Variants in GOLGA4 observed in about 807,000 individuals in gnomAD.
GOLGA4 encodes golgin A4, also known as golgin subfamily A member 4.
A neutral mutation model predicts 265.9 loss-of-function variants in GOLGA4; 169 were observed. That is an observed-to-expected ratio of 0.64 (90% CI 0.56 to 0.72). The LOEUF (loss-of-function observed/expected upper bound fraction) is 0.72, where lower values mean the gene tolerates loss of function less well. Ranked by LOEUF, GOLGA4 falls within the 30% of genes least tolerant of loss-of-function variation. The pLI, the probability that GOLGA4 is intolerant of heterozygous loss-of-function variation, is 0.00. For synonymous variants in GOLGA4, 923 were observed against 855.8 expected, an observed-to-expected ratio of 1.08 and a Z score of -1.37; for missense variants, 2,482 against 2,483.4, an observed-to-expected ratio of 1.00 and a Z score of 0.01.
chr3:37,348,208 A>G (rs1431349848), intron 21 of GOLGA4, among the ~76,000 whole-genome samples: 1 of 152,204 alleles, frequency 6.6e-6, no homozygotes, highest in Non-Finnish European at 1.5e-5. Flanking sequence ...AAATAATATT[A>G]TAAAAGGAAA....
At chr3:37,323,021 T>G (rs975153290) in intron 13 of GOLGA4, among the ~76,000 whole-genome samples, 1 of 152,088 alleles carries the variant, frequency 6.6e-6, no homozygotes, top group African/African-American at 2.4e-5. Flanking sequence ...AAAGTATTAT[T>G]GAAAATGTAG....
chr3:37,350,646 A>G (rs997865975), intron 21 of GOLGA4, among the ~76,000 whole-genome samples: 6 of 152,252 alleles, frequency 3.9e-5, no homozygotes, highest in African/African-American at 1.4e-4. Flanking sequence ...ACATGTTTAC[A>G]GGCATACCTT....
chr3:37,278,931 G>C (rs1370595823), intron 2 of GOLGA4, among the ~76,000 whole-genome samples: 1 of 151,452 alleles, frequency 6.6e-6, no homozygotes, highest in African/African-American at 2.4e-5. Context: ...TCCCACCTCA[G>C]CCTTCCAAGT....
intron 2 of GOLGA4, among the ~76,000 whole-genome samples, chr3:37,278,183 T>A (rs1159060609): frequency 6.6e-6 from 1 of 151,992 alleles, no homozygotes; most frequent in African/African-American, 2.4e-5. Context: ...AGAGTATGAT[T>A]TAAAATGCAT....
chr3:37,363,644 C>T (rs771108836), intron 23 of GOLGA4, among the ~76,000 whole-genome samples: 1 of 152,188 alleles, frequency 6.6e-6, no homozygotes, highest in Non-Finnish European at 1.5e-5. Flanking sequence ...AGTACTTTAG[C>T]ATGTATCTTT....
intron 4 of GOLGA4, among the ~76,000 whole-genome samples, chr3:37,288,103 A>ATTTTT (rs1203747752): frequency 1.7e-5 from 2 of 118,552 alleles, no homozygotes; most frequent in African/African-American, 3.4e-5. Context: ...TAGCTTCTTG[A>ATTTTT]TTTTTTTTTT....
intron 10 of GOLGA4, among the ~76,000 whole-genome samples, chr3:37,303,081 G>A (rs1047928644): frequency 6.6e-6 from 1 of 152,262 alleles, no homozygotes; most frequent in Non-Finnish European, 1.5e-5. Context: ...CAGGCACAGT[G>A]ATCATAGTGG....
chr3:37,273,000 G>A (rs1340320655), intron 2 of GOLGA4, among the ~76,000 whole-genome samples: 4 of 152,052 alleles, frequency 2.6e-5, no homozygotes, highest in African/African-American at 7.2e-5. Context: ...AAAATCTTTC[G>A]CGTGTGGAAG....
Position 37,340,189 on chromosome 3 carries a change from A to G in GOLGA4, c.6462A>G (p.Thr2154=). The change falls in exon 20 of 24, where the codon ACA becomes ACG. Residue 2154 remains threonine, a synonymous_variant. Transcript: ENST00000361924. ...ATGTATATGCAACAACTGTGGGGAC[A>G]CCTTACAAAGGTAAGGATGATCTCG... ...EKNVYATTVG[T]PYKGGNLYHT... is the part of the protein sequence containing the mutation. 1 of 1,360,824 alleles carries G rather than the reference A, an allele frequency of 7.3e-7. No individual in the cohort carries two copies. The highest frequency in any genetic ancestry group is 1.5e-5 in the African/African-American group (1 of 68,324). The allele number at this position is 1,360,824 out of a possible 1,614,324, so 84.3% of individuals were successfully genotyped here.
chr3:37,267,091 A>G (rs1173885403), intron 2 of GOLGA4, among the ~76,000 whole-genome samples: 1 of 152,218 alleles, frequency 6.6e-6, no homozygotes, highest in African/African-American at 2.4e-5. Flanking sequence ...AAAATCAGAG[A>G]GTAAATTGCT....
intron 20 of GOLGA4, among the ~76,000 whole-genome samples, 188 bp from the exon 21 acceptor site, chr3:37,347,005 T>G (rs1222025498): frequency 6.6e-6 from 1 of 152,238 alleles, no homozygotes; most frequent in Admixed American, 6.5e-5. Flanking sequence ...TAATTCTTGT[T>G]TTCGCTTCCA....
At chr3:37,270,465 G>C (rs1347797140) in intron 2 of GOLGA4, among the ~76,000 whole-genome samples, 2 of 152,092 alleles carry the variant, frequency 1.3e-5, no homozygotes, top group Admixed American at 1.3e-4. Context: ...TGATCCACCT[G>C]CTTCGGCCTC....
At position 37,327,205 on chromosome 3, in the gene GOLGA4, C is replaced by T. The variant is rs1362830194; in HGVS notation, c.5319C>T (p.Tyr1773=). The T allele has an allele frequency of 1.2e-6, 2 of 1,613,648 alleles. No individual in the cohort carries two copies. The highest frequency in any genetic ancestry group is 4.5e-5 in the East Asian group (2 of 44,862). ...VSSHFEMRCQ[Y]QERLIKLEHA... ...CTCATTTTGAAATGCGATGCCAATA[C>T]CAGGAGCGCTTAATAAAGCTAGAAC... Residue 1773 remains tyrosine (Y), a synonymous_variant, in exon 14 of 24, where the codon TAC becomes TAT. Coordinates refer to ENST00000361924, the MANE Select transcript of GOLGA4 (RefSeq NM_002078.5).
intron 20 of GOLGA4, 21 bp from the exon 21 acceptor site, chr3:37,347,172 A>G: frequency 7.0e-7 from 1 of 1,420,726 alleles, no homozygotes; most frequent in Non-Finnish European, 9.9e-7. Flanking sequence ...TTACAGTTTG[A>G]TCTATTTTTT....
At chr3:37,275,399 C>A (rs113661281) in intron 2 of GOLGA4, among the ~76,000 whole-genome samples, 1 of 152,110 alleles carries the variant, frequency 6.6e-6, no homozygotes, top group South Asian at 2.1e-4. Context: ...TCTTGAGCAG[C>A]CACTCCAGTT....
Position 37,324,060 on chromosome 3 carries a change from T to C in GOLGA4, c.2174T>C (p.Met725Thr). 6.2e-7 allele frequency: 1 copy of C among 1,614,140 alleles called. No homozygotes were observed. Among genetic ancestry groups the C allele is most frequent in the Non-Finnish European group, 8.5e-7 (1 of 1,180,026 alleles). Residue 725 changes from methionine (M) to threonine (T), a missense_variant, in exon 14 of 24, where the codon ATG becomes ACG. Met to Thr is a moderately conservative substitution (Grantham distance 81, BLOSUM62 -1). Around this residue, in one of 3 missense-constraint regions of GOLGA4, gnomAD observed 1,536 missense variants for 1,483.7 expected, o/e 1.04. Coordinates refer to ENST00000361924, the MANE Select transcript of GOLGA4 (RefSeq NM_002078.5). ...ATGAAGCAGGAATTAGAGGCCAAGA[T>C]GGATGAACAGAAAAATCATCACCAG... is the stretch of plus-strand genomic sequence containing the variant. ...DKMKQELEAK[M>T]DEQKNHHQQQ...
chr3:37,333,585 T>C (rs1267336550), intron 16 of GOLGA4, among the ~76,000 whole-genome samples: 1 of 152,176 alleles, frequency 6.6e-6, no homozygotes, highest in African/African-American at 2.4e-5. Context: ...AATAAGTAGC[T>C]ATAGAGGTTA....
chr3:37,336,831 C>T (rs995201192), intron 17 of GOLGA4, among the ~76,000 whole-genome samples: 1 of 151,982 alleles, frequency 6.6e-6, no homozygotes. Context: ...AGAAAGAAAA[C>T]TTAATTTTTA....
chr3:37,347,086 C>CA (rs3832257), intron 20 of GOLGA4, 107 bp from the exon 21 acceptor site: 277,860 of 640,678 alleles, frequency 0.43, 66,393 homozygotes, highest in African/African-American at 0.75. Flanking sequence ...AATATAAAAG[C>CA]ATGCCTCTCT....
Sources: gnomAD v4.1 joint callset for allele counts (sites outside exome capture counted in the v4.1 genomes callset) on GRCh38, gnomAD v4.1.1 for gene constraint, gnomAD v4.1.1 regional missense constraint, MANE v1.5 for transcripts, NCBI Gene and HGNC (gene_info 2026-07-23, HGNC 2026-07-21) for gene names.